VANGL1: variants seen among roughly 807,000 people sequenced by gnomAD.
The protein encoded by VANGL1 is VANGL planar cell polarity protein 1, also known as vang-like protein 1.
Under a neutral mutation model 48.4 loss-of-function variants are expected in VANGL1, and 18 were observed. That is an observed-to-expected ratio of 0.37 (90% CI 0.26 to 0.55). The LOEUF is 0.55. Ranked by LOEUF, VANGL1 falls within the 20% of genes least tolerant of loss-of-function variation. The pLI is 0.81. For synonymous variants in VANGL1, 257 were observed against 261.8 expected, an observed-to-expected ratio of 0.98 and a Z score of 0.18; for missense variants, 667 against 675.8, an observed-to-expected ratio of 0.99 and a Z score of 0.14.
chr1:115,657,489 T>C (rs1327873176), intron 2 of VANGL1, among the ~76,000 whole-genome samples: 4 of 152,182 alleles, frequency 2.6e-5, no homozygotes, highest in East Asian at 3.8e-4. Flanking sequence ...AGGATTATTA[T>C]TAGGATTAAA....
At chr1:115,666,332 T>C (rs569887837) in intron 4 of VANGL1, among the ~76,000 whole-genome samples, 1 of 152,264 alleles carries the variant, frequency 6.6e-6, no homozygotes, top group Non-Finnish European at 1.5e-5. Flanking sequence ...CCTGTACGAC[T>C]GGTTGAGCTG....
chr1:115,653,928 G>A (rs1243137308), intron 2 of VANGL1, among the ~76,000 whole-genome samples: 2 of 152,120 alleles, frequency 1.3e-5, no homozygotes, highest in Non-Finnish European at 1.5e-5. Flanking sequence ...TACCACCTAC[G>A]GGTGGTGGAT....
intron 4 of VANGL1, among the ~76,000 whole-genome samples, chr1:115,674,593 A>C (rs1653096639): frequency 6.6e-6 from 1 of 152,254 alleles, no homozygotes; most frequent in Non-Finnish European, 1.5e-5. Context: ...GGTAATAAGA[A>C]GAATGACGTG....
chr1:115,689,461 G>A (rs80216142), intron 7 of VANGL1, among the ~76,000 whole-genome samples: 10,964 of 134,200 alleles, frequency 0.082, 2,324 homozygotes, highest in Admixed American at 0.14. Context: ...GTGAAACTCC[G>A]TCTCTACTAA....
chr1:115,683,926 A>G lies in VANGL1; in HGVS notation c.947-18A>G, dbSNP rs751371892. On this transcript the variant is annotated intron_variant, in intron 5 of 7. Transcript: ENST00000355485. ...CTCGTGGTATTAACACTATTCTTTC[A>G]CTGTCCTTTCCCCAAAGGCCCCAGT... 2 of 1,612,236 alleles carry G rather than the reference A, an allele frequency of 1.2e-6. No individual in the cohort carries two copies.
At chr1:115,663,197 T>C (rs1652633928) in intron 3 of VANGL1, among the ~76,000 whole-genome samples, 1 of 152,146 alleles carries the variant, frequency 6.6e-6, no homozygotes. Flanking sequence ...GAGGGTGTAG[T>C]AATACTCCCA....
chr1:115,685,906 G>T (rs1043565590), intron 7 of VANGL1, among the ~76,000 whole-genome samples: 1 of 152,066 alleles, frequency 6.6e-6, no homozygotes, highest in African/African-American at 2.4e-5. Flanking sequence ...CTGTGCCTCA[G>T]TTTCCTAACC....
rs1557780589 is a variant in VANGL1 at position 115,694,843 on chromosome 1, T to A, written c.*3464T>A. The A allele has an allele frequency of 3.3e-5, 5 of 152,244 alleles. No individual in the cohort carries two copies. 9.4% of individuals were successfully genotyped at this position (152,244 alleles called of 1,614,324 possible). On this transcript the variant is annotated 3_prime_UTR_variant, in exon 8 of 8. Coordinates refer to ENST00000355485, the MANE Select transcript of VANGL1 (RefSeq NM_138959.3). ...GACATCTTAACATCTGTGTTATCTG[T>A]AGCAGGTGTGTAGCTCAGCAGATAC...
At chr1:115,665,350 C>T (rs1652732065) in intron 4 of VANGL1, among the ~76,000 whole-genome samples, 1 of 152,228 alleles carries the variant, frequency 6.6e-6, no homozygotes, top group Non-Finnish European at 1.5e-5. Flanking sequence ...GCAGTATATG[C>T]TGATGTGTGT....
At chr1:115,683,764 G>C (rs914295061) in intron 5 of VANGL1, among the ~76,000 whole-genome samples, 180 bp from the exon 6 acceptor site, 1 of 152,128 alleles carries the variant, frequency 6.6e-6, no homozygotes. Context: ...CCTTGCTTTG[G>C]ACATAGTGAA....
intron 1 of VANGL1, among the ~76,000 whole-genome samples, chr1:115,642,881 T>C (rs1171675448): frequency 6.6e-6 from 1 of 152,206 alleles, no homozygotes; most frequent in Non-Finnish European, 1.5e-5. Flanking sequence ...TAGAGAAGTG[T>C]GAAGCTTTAT....
chr1:115,657,477 A>G (rs191151637), intron 2 of VANGL1, among the ~76,000 whole-genome samples: 2 of 152,168 alleles, frequency 1.3e-5, no homozygotes, highest in African/African-American at 4.8e-5. Context: ...TACTGCCTTC[A>G]TAGGATTATT....
intron 4 of VANGL1, among the ~76,000 whole-genome samples, chr1:115,666,288 C>T (rs967525076): frequency 2.6e-5 from 4 of 152,080 alleles, no homozygotes; most frequent in East Asian, 1.9e-4. Context: ...GTGGTGGGAC[C>T]GACTTACCCC....
chr1:115,662,180 A>G (rs1471373575), intron 3 of VANGL1, among the ~76,000 whole-genome samples: 2 of 152,008 alleles, frequency 1.3e-5, no homozygotes, highest in South Asian at 2.1e-4. Flanking sequence ...GACCTTCACC[A>G]CCACCGCTTC....
At chr1:115,679,553 C>T (rs1462114408) in intron 4 of VANGL1, among the ~76,000 whole-genome samples, 1 of 152,234 alleles carries the variant, frequency 6.6e-6, no homozygotes, top group African/African-American at 2.4e-5. Flanking sequence ...GAAGCCACTG[C>T]TCTGGGCAGT....
chr1:115,682,923 C>T (rs150029722), intron 5 of VANGL1, among the ~76,000 whole-genome samples: 6 of 152,206 alleles, frequency 3.9e-5, no homozygotes, highest in East Asian at 1.9e-4. Flanking sequence ...GGCTAGGAGC[C>T]GGAGTTGAGT....
intron 4 of VANGL1, among the ~76,000 whole-genome samples, chr1:115,680,413 G>C (rs1004743529): frequency 1.3e-5 from 2 of 152,166 alleles, no homozygotes; most frequent in African/African-American, 4.8e-5. Context: ...AGCAGACACA[G>C]GCACTCAAAT....
chr1:115,658,365 A>G (rs752578736), intron 2 of VANGL1, among the ~76,000 whole-genome samples: 79 of 152,334 alleles, frequency 5.2e-4, no homozygotes, highest in Middle Eastern at 3.4e-3. Context: ...CTAAGTCAAG[A>G]CACCATTCTT....
chr1:115,682,524 G>T, intron 5 of VANGL1, 27 bp downstream of exon 5: 1 of 1,614,100 alleles, frequency 6.2e-7, no homozygotes, highest in Non-Finnish European at 8.5e-7. Context: ...GGTGTCCGTG[G>T]TGCTCACAGG....
Sources: allele counts gnomAD v4.1 joint callset (sites outside exome capture counted in the v4.1 genomes callset), GRCh38; gene constraint gnomAD v4.1.1; transcripts MANE v1.5; gene names NCBI Gene and HGNC (gene_info 2026-07-23, HGNC 2026-07-21).